Variants in DROSHA observed in about 807,000 individuals in gnomAD.
DROSHA encodes drosha ribonuclease III.
DROSHA carries 56 observed loss-of-function variants against 181.9 expected under a neutral mutation model. That is an observed-to-expected ratio of 0.31 (90% CI 0.25 to 0.38). The LOEUF is 0.38. Among genes scored for constraint, DROSHA ranks in the 10% least tolerant of loss-of-function variants. The probability of loss-of-function intolerance (pLI) is 1.00; values close to 1 mark genes in which losing one functional copy is unlikely to be tolerated. For missense variants in DROSHA, 1,218 were observed against 1,743.5 expected, an observed-to-expected ratio of 0.70 and a Z score of 5.37; for synonymous variants, 524 against 591.2, an observed-to-expected ratio of 0.89 and a Z score of 1.65.
At chr5:31,455,987 G>A (rs978359737) in intron 20 of DROSHA, among the ~76,000 whole-genome samples, 1 of 152,096 alleles carries the variant, frequency 6.6e-6, no homozygotes, top group Non-Finnish European at 1.5e-5. Flanking sequence ...AGAAAACAAT[G>A]AGAATGTATT....
Position 31,464,335 on chromosome 5 carries a change from G to A in DROSHA, c.2475C>T (p.Leu825=), listed in dbSNP as rs369617379. ...TTGTATTCTTCTGCCGTATTTTTTG[G>A]AGGGCTTCCTAGAAAAGAATTCATT... The part of the protein sequence containing the change: ...KQKLAQREEA[L]QKIRQKNTMR... The change falls in exon 20 of 36, where the codon CTC becomes CTT. Residue 825 remains leucine, a synonymous_variant. Transcript: ENST00000344624. 8 of 1,612,594 alleles carry A rather than the reference G, an allele frequency of 5.0e-6. No homozygotes were observed. In the African/African-American group the frequency reaches 1.1e-4, roughly 22 times the overall value.
In DROSHA at chr5:31,410,781, G is replaced by A. The variant is rs771452865; in HGVS notation, c.3632C>T (p.Ala1211Val). 1.1e-5 allele frequency: 17 copies of A among 1,613,854 alleles called. No individual in the cohort carries two copies. Among genetic ancestry groups the A allele is most frequent in the Admixed American group, 5.0e-5 (3 of 60,026 alleles). ...ITNDKTKRPVALRTKTLADLL... is the reference protein window; with the variant it reads ...ITNDKTKRPVVLRTKTLADLL... ...GTCCGCCAAGGTCTTGGTGCGAAGC[G>A]CCACAGGCCTCTTGGTCTTGTCGTT... is the stretch of plus-strand genomic sequence containing the variant. The change falls in exon 31 of 36, where the codon GCG becomes GTG. Residue 1211 changes from alanine to valine, a missense_variant. This residue lies in a region of DROSHA where 47 missense variants were observed against 70.6 expected (regional missense o/e 0.67). Transcript: ENST00000344624.
chr5:31,426,282 C>T (rs1055181404), intron 27 of DROSHA, among the ~76,000 whole-genome samples: 1 of 151,840 alleles, frequency 6.6e-6, no homozygotes, highest in Non-Finnish European at 1.5e-5. Context: ...CCCAGTGCTA[C>T]CATTTATTAG....
intron 30 of DROSHA, among the ~76,000 whole-genome samples, chr5:31,417,416 G>A (rs1185488321): frequency 1.3e-5 from 2 of 152,240 alleles, no homozygotes; most frequent in Admixed American, 1.3e-4. Flanking sequence ...AATGTAATCC[G>A]GCTTCTCTTT....
At chr5:31,529,496 G>A (rs1256618002) in intron 3 of DROSHA, among the ~76,000 whole-genome samples, 1 of 152,134 alleles carries the variant, frequency 6.6e-6, no homozygotes, top group Non-Finnish European at 1.5e-5. Flanking sequence ...AGCACTTTGG[G>A]AGGTCGAGGC....
At position 31,485,929 on chromosome 5, in the gene DROSHA, A is replaced by T. The variant is rs545081826; in HGVS notation, c.1914+562T>A. Among the ~76,000 whole-genome samples, 53 of 152,314 alleles carry T rather than the reference A, an allele frequency of 3.5e-4. 1 individual carries two copies. Among genetic ancestry groups the T allele is most frequent in the Middle Eastern group, 6.8e-3 (2 of 294 alleles). ...TGTCTAGTTGTTATTTCTTAGTATG[A>T]TTTGTTGACACCACTAAATTCAAGA... On this transcript the variant is annotated intron_variant, in intron 14 of 35. Transcript: ENST00000344624.
chr5:31,434,775 C>G (rs897696286), intron 25 of DROSHA, among the ~76,000 whole-genome samples: 8 of 152,100 alleles, frequency 5.3e-5, no homozygotes, highest in African/African-American at 1.9e-4. Context: ...AAAAGTTTTG[C>G]CAGTGGATCC....
intron 8 of DROSHA, 38 bp from the exon 9 acceptor site, chr5:31,511,214 A>G: frequency 1.3e-6 from 2 of 1,573,608 alleles, no homozygotes; most frequent in Non-Finnish European, 1.7e-6. Flanking sequence ...GAACTATATC[A>G]ATAACGATCA....
At chr5:31,436,262 T>A (rs747431984) in intron 24 of DROSHA, among the ~76,000 whole-genome samples, 1 of 152,128 alleles carries the variant, frequency 6.6e-6, no homozygotes, top group Non-Finnish European at 1.5e-5. Context: ...ATTATGTCCA[T>A]CTTGTGAAAA....
In DROSHA at chr5:31,464,464, A is replaced by G. The variant is rs1748782022; in HGVS notation, c.2467-121T>C. ...ATTACCCCTACATTCAGATACTCAA[A>G]CCTCTTCATACAAAATTACAATATT... is the stretch of plus-strand genomic sequence containing the variant. On this transcript the variant is annotated intron_variant, in intron 19 of 35. Coordinates refer to ENST00000344624, the MANE Select transcript of DROSHA (RefSeq NM_001382508.1). The G allele has an allele frequency of 1.1e-5, 9 of 816,214 alleles. No homozygotes were observed. The East Asian group carries it at 2.4e-4, about 22-fold the overall frequency. The allele number at this position is 816,214 out of a possible 1,614,324, so 50.6% of individuals were successfully genotyped here.
Position 31,465,811 on chromosome 5 carries a change from T to A in DROSHA, c.2466+371A>T, listed in dbSNP as rs536225081. The stretch of plus-strand genomic sequence containing the variant: ...TGTCATATGACGTGCCTGCTCCCCA[T>A]CCACCTTCTACCATGATTAAAAGCA... On this transcript the variant is annotated intron_variant, in intron 19 of 35. Coordinates refer to ENST00000344624, the MANE Select transcript of DROSHA (RefSeq NM_001382508.1). Among the ~76,000 whole-genome samples, 7 of 152,162 alleles carry A rather than the reference T, an allele frequency of 4.6e-5. No individual in the cohort carries two copies. In the East Asian group the frequency reaches 1.4e-3, roughly 30 times the overall value.
Position 31,440,480 on chromosome 5 carries a change from ATTC to A in DROSHA, c.2883-3185_2883-3183del, listed in dbSNP as rs3840329. On this transcript the variant is annotated intron_variant, in intron 23 of 35. Transcript: ENST00000344624. ...TTTCACTTATCGCATTAGTAAGTTT[ATTC>A]TTCTACCCTACTATTCCTCCACATT... 0.013 allele frequency among the ~76,000 whole-genome samples: 1,906 copies of A among 152,326 alleles called. 102 individuals are homozygous for A. The East Asian group carries it at 0.2, about 16-fold the overall frequency.
At chr5:31,452,502 A>G (rs1256455794) in intron 20 of DROSHA, among the ~76,000 whole-genome samples, 2 of 152,134 alleles carry the variant, frequency 1.3e-5, no homozygotes, top group Admixed American at 6.5e-5. Context: ...CTTTTCCTTA[A>G]TACTATTTCG....
intron 28 of DROSHA, among the ~76,000 whole-genome samples, chr5:31,423,627 G>A (rs552721106): frequency 2.6e-4 from 39 of 152,274 alleles, no homozygotes; most frequent in Middle Eastern, 3.4e-3. Flanking sequence ...ATGAACATTT[G>A]CAACAACTTT....
At chr5:31,472,988 G>C (rs937410785) in intron 16 of DROSHA, among the ~76,000 whole-genome samples, 1 of 152,214 alleles carries the variant, frequency 6.6e-6, no homozygotes, top group African/African-American at 2.4e-5. Context: ...ACAGGCTTCT[G>C]CCTTCTCTTT....
At chr5:31,486,623 A>T in intron 13 of DROSHA, 61 bp from the exon 14 acceptor site, 1 of 1,488,838 alleles carries the variant, frequency 6.7e-7, no homozygotes, top group African/African-American at 1.4e-5. Flanking sequence ...CATATTATAC[A>T]CGTTTGTTAC....
intron 34 of DROSHA, among the ~76,000 whole-genome samples, 185 bp from the exon 35 acceptor site, chr5:31,405,908 C>T (rs1448652473): frequency 6.6e-6 from 1 of 150,570 alleles, no homozygotes; most frequent in Admixed American, 6.7e-5. Flanking sequence ...GGAATATACA[C>T]AAGAGCATGC....
intron 30 of DROSHA, among the ~76,000 whole-genome samples, chr5:31,417,526 C>T (rs183867634): frequency 2.7e-5 from 4 of 150,536 alleles, no homozygotes; most frequent in African/African-American, 7.3e-5. Flanking sequence ...TGGCTCAGAC[C>T]GGGTGATAAC....
At chr5:31,527,025 G>A in intron 4 of DROSHA, 113 bp from the exon 5 acceptor site, 2 of 964,650 alleles carry the variant, frequency 2.1e-6, no homozygotes, top group Non-Finnish European at 3.0e-6. Flanking sequence ...AGACCCCCTA[G>A]TCAAGCCACT....
Sources: gnomAD v4.1 joint callset for allele counts (sites outside exome capture counted in the v4.1 genomes callset) on GRCh38, gnomAD v4.1.1 for gene constraint, gnomAD v4.1.1 regional missense constraint, MANE v1.5 for transcripts, NCBI Gene and HGNC (gene_info 2026-07-23, HGNC 2026-07-21) for gene names.